Variants in CSMD1 observed in about 807,000 individuals in gnomAD.
CSMD1 encodes the protein CUB and sushi domain-containing protein 1.
Under a neutral mutation model 417.5 loss-of-function variants are expected in CSMD1, and 213 were observed. The observed-to-expected ratio is 0.51, with a 90% CI of 0.46 to 0.57. CSMD1 has a LOEUF of 0.57. Ranked by LOEUF, CSMD1 falls within the 20% of genes least tolerant of loss-of-function variation. CSMD1 has a pLI of 0.00. For missense variants in CSMD1, 6,923 were observed against 4,529.7 expected (o/e 1.53, Z -15.17); for synonymous variants, 2,862 against 1,736.8 (o/e 1.65, Z -16.11).
chr8:3,957,142 CCCCCTA>C (rs66772531), intron 5 of CSMD1, among the ~76,000 whole-genome samples: 68,800 of 151,568 alleles, frequency 0.45, 16,387 homozygotes, highest in East Asian at 0.73. Context: ...GCCTCTTTCT[CCCCCTA>C]CTTCACACCC....
At chr8:4,312,645 G>A (rs112787582) in intron 3 of CSMD1, among the ~76,000 whole-genome samples, 14,424 of 151,592 alleles carry the variant, frequency 0.095, 2,104 homozygotes, top group African/African-American at 0.32. Context: ...GGGAGGCCGA[G>A]GTGAGTGGAT....
At chr8:4,112,820 G>C (rs1801927312) in intron 3 of CSMD1, among the ~76,000 whole-genome samples, 2 of 152,112 alleles carry the variant, frequency 1.3e-5, no homozygotes, top group South Asian at 4.2e-4. Flanking sequence ...TTTTGTTTAT[G>C]GCTCTTCACT....
intron 1 of CSMD1, among the ~76,000 whole-genome samples, chr8:4,910,440 T>A (rs1284738250): frequency 6.6e-6 from 1 of 152,158 alleles, no homozygotes; most frequent in Non-Finnish European, 1.5e-5. Flanking sequence ...AAGTCCAGGA[T>A]CAAGTTATTA....
intron 6 of CSMD1, among the ~76,000 whole-genome samples, chr8:3,722,325 G>C (rs1036547840): frequency 2.0e-5 from 3 of 152,102 alleles, no homozygotes; most frequent in Non-Finnish European, 2.9e-5. Context: ...TAAATAAATA[G>C]ATATAATAGC....
rs138887793 is a variant in CSMD1 at position 3,496,960 on chromosome 8, CTT to C, written c.1345-3236_1345-3235del. ...TATTCGTACAATTTTGAAAGTTTCT[CTT>C]GTTATTTATTTCTAATTTTATCTGT... is the stretch of plus-strand genomic sequence containing the variant. On this transcript the variant is annotated intron_variant, in intron 10 of 69. Coordinates refer to ENST00000635120, the MANE Select transcript of CSMD1 (RefSeq NM_033225.6). 6.1e-3 allele frequency among the ~76,000 whole-genome samples: 923 copies of C among 152,250 alleles called. 4 individuals carry two copies. The highest frequency in any genetic ancestry group is 8.9e-3 in the Non-Finnish European group (608 of 68,016).
At chr8:3,124,472 T>C (rs906331757) in intron 41 of CSMD1, among the ~76,000 whole-genome samples, 18 of 152,162 alleles carry the variant, frequency 1.2e-4, no homozygotes, top group African/African-American at 4.1e-4. Context: ...AGTAGGAAAA[T>C]GGTGCAGATC....
intron 1 of CSMD1, among the ~76,000 whole-genome samples, chr8:4,909,870 T>G (rs992639889): frequency 5.9e-5 from 9 of 152,164 alleles, no homozygotes; most frequent in Non-Finnish European, 1.2e-4. Context: ...TTCAGAGAAG[T>G]CATTGATTTG....
intron 1 of CSMD1, among the ~76,000 whole-genome samples, chr8:4,711,215 T>A (rs1808274118): frequency 6.6e-6 from 1 of 151,472 alleles, no homozygotes; most frequent in Non-Finnish European, 1.5e-5. Context: ...AAATTTGAAG[T>A]AAAAAATGTT....
chr8:3,973,627 C>G (rs1813224917), intron 5 of CSMD1, among the ~76,000 whole-genome samples: 2 of 152,026 alleles, frequency 1.3e-5, no homozygotes, highest in African/African-American at 2.4e-5. Context: ...TGTGATGCTT[C>G]CTGATTGTCA....
At chr8:3,130,597 C>G (rs971084395) in intron 41 of CSMD1, among the ~76,000 whole-genome samples, 2 of 152,184 alleles carry the variant, frequency 1.3e-5, no homozygotes, top group African/African-American at 4.8e-5. Flanking sequence ...GCCCTCTGAC[C>G]TTCCGCTCCC....
intron 5 of CSMD1, among the ~76,000 whole-genome samples, chr8:3,940,867 C>G (rs1334604598): frequency 8.3e-6 from 1 of 120,412 alleles, no homozygotes; most frequent in Non-Finnish European, 1.7e-5. Flanking sequence ...TCATACGCTT[C>G]TTCCTTATGC....
At chr8:4,414,004 C>G (rs1046661805) in intron 3 of CSMD1, among the ~76,000 whole-genome samples, 1 of 152,144 alleles carries the variant, frequency 6.6e-6, no homozygotes, top group Non-Finnish European at 1.5e-5. Context: ...TAATGGAGAG[C>G]CAGCTGCTCT....
chr8:4,872,958 G>T (rs1000048562), intron 1 of CSMD1, among the ~76,000 whole-genome samples: 2 of 151,970 alleles, frequency 1.3e-5, no homozygotes, highest in Non-Finnish European at 2.9e-5. Flanking sequence ...AGTATGACTG[G>T]CAAACAAAAA....
At chr8:4,338,222 A>G (rs73506649) in intron 3 of CSMD1, among the ~76,000 whole-genome samples, 2,967 of 152,286 alleles carry the variant, frequency 0.019, 90 homozygotes, top group African/African-American at 0.066. Context: ...TAGTTCTTGC[A>G]TATTTCTAAT....
At chr8:3,462,863 C>G (rs1585201691) in intron 12 of CSMD1, among the ~76,000 whole-genome samples, 3 of 152,114 alleles carry the variant, frequency 2.0e-5, no homozygotes, top group East Asian at 3.9e-4. Context: ...GAAACCTAAC[C>G]TCAAATTTGA....
At chr8:4,956,273 C>A (rs1170995593) in intron 1 of CSMD1, among the ~76,000 whole-genome samples, 7 of 151,410 alleles carry the variant, frequency 4.6e-5, no homozygotes, top group South Asian at 2.1e-4. Context: ...AAGTGACAGA[C>A]CTTGCATAGT....
chr8:4,001,968 C>T (rs1029682650), intron 4 of CSMD1, among the ~76,000 whole-genome samples: 5 of 151,794 alleles, frequency 3.3e-5, no homozygotes, highest in Admixed American at 2.0e-4. Flanking sequence ...TAGAATATTC[C>T]GGAATGAGTT....
chr8:3,006,537 A>C (rs1199439828), intron 52 of CSMD1, among the ~76,000 whole-genome samples: 1 of 152,172 alleles, frequency 6.6e-6, no homozygotes, highest in Non-Finnish European at 1.5e-5. Flanking sequence ...ACAAGGCTAC[A>C]GTAACCAAAA....
At chr8:4,612,542 C>G (rs535116739) in intron 2 of CSMD1, among the ~76,000 whole-genome samples, 158 of 152,244 alleles carry the variant, frequency 1.0e-3, no homozygotes, top group Non-Finnish European at 1.9e-3. Context: ...TAAGCTTTCT[C>G]CACACCGAGG....
Sources: gnomAD v4.1 joint callset for allele counts (sites outside exome capture counted in the v4.1 genomes callset) on GRCh38, gnomAD v4.1.1 for gene constraint, MANE v1.5 for transcripts, NCBI Gene and HGNC (gene_info 2026-07-23, HGNC 2026-07-21) for gene names.